Variants in VPS50 observed in about 807,000 individuals in gnomAD.
VPS50 encodes the protein VPS50 subunit of EARP/GARPII complex.
Under a neutral mutation model 139.7 loss-of-function variants are expected in VPS50, and 70 were observed. The ratio of observed to expected loss-of-function variants is 0.50; its 90% CI spans 0.41 to 0.61. VPS50 has a LOEUF of 0.61. VPS50 is among the 20% of genes least tolerant of loss of function. VPS50 has a pLI of 0.00. For synonymous variants in VPS50, 365 were observed against 376.7 expected (o/e 0.97, Z 0.36); for missense variants, 921 against 1,133.7 (o/e 0.81, Z 2.69).
intron 20 of VPS50, among the ~76,000 whole-genome samples, chr7:93,316,323 CCTT>C (rs1479205700): frequency 6.6e-6 from 1 of 152,048 alleles, no homozygotes; most frequent in African/African-American, 2.4e-5. Context: ...GACATAAGCT[CCTT>C]AAGGGATTTC....
rs1015778906 is a variant in VPS50, at chr7:93,295,776, G to A, written c.1168-966G>A. Among the ~76,000 whole-genome samples, 7 of 152,170 alleles carry A rather than the reference G, an allele frequency of 4.6e-5. No individual in the cohort carries two copies. The East Asian group carries it at 9.7e-4, about 21-fold the overall frequency. On this transcript the variant is annotated intron_variant, in intron 14 of 27. Coordinates refer to ENST00000305866, the MANE Select transcript of VPS50 (RefSeq NM_017667.4). ...GTCTCACTCTGTCACCCAGGCTGGA[G>A]TGTGGTGGCAGAGTCATGGCCCAGT...
intron 23 of VPS50, 79 bp downstream of exon 23, chr7:93,341,654 T>C: frequency 2.2e-6 from 2 of 903,682 alleles, no homozygotes; most frequent in Middle Eastern, 2.4e-4. Flanking sequence ...ATTAGACTTC[T>C]AGTTAGCTGC....
Position 93,272,714 on chromosome 7 carries a change from G to A in VPS50, c.782G>A (p.Arg261Gln), listed in dbSNP as rs370126178. The A allele has an allele frequency of 1.0e-5, 16 of 1,537,354 alleles. No individual in the cohort carries two copies. Among genetic ancestry groups the A allele is most frequent in the South Asian group, 2.4e-5 (2 of 84,364 alleles). Residue 261 changes from arginine to glutamine, a missense_variant, in exon 11 of 28, where the codon CGA (arginine) becomes CAA (glutamine). Coordinates refer to ENST00000305866, the MANE Select transcript of VPS50 (RefSeq NM_017667.4). Reference sequence around the variant, plus strand: ...TATACCAAGGTTCAACAAGCTTATCGACTTCTTGGAAAAACACAGGTTTGT... The same window carrying A: ...TATACCAAGGTTCAACAAGCTTATCAACTTCTTGGAAAAACACAGGTTTGT... The part of the protein sequence containing the change: ...NHYTKVQQAY[R>Q]LLGKTQTAMD...
At position 93,349,973 on chromosome 7, in the gene VPS50, G is replaced by C. The variant is rs1479500875; in HGVS notation, c.2403G>C (p.Val801=). The C allele has an allele frequency of 6.2e-7, 1 of 1,612,912 alleles. No individual in the cohort carries two copies. The highest frequency in any genetic ancestry group is 8.5e-7 in the Non-Finnish European group (1 of 1,179,032). ...AGATGCTGCTTCTCATGGCTAATGTGAAATGGGATGTAAAAGAAATTATGT... is the reference window on the plus strand; with the variant it reads ...AGATGCTGCTTCTCATGGCTAATGTCAAATGGGATGTAAAAGAAATTATGT... ...YEQMLLLMAN[V]KWDVKEIMSQ... The change falls in exon 25 of 28, where the codon GTG becomes GTC. Residue 801 remains valine, a synonymous_variant. Coordinates refer to ENST00000305866, the MANE Select transcript of VPS50 (RefSeq NM_017667.4).
At chr7:93,234,738 G>T (rs1794746434) in intron 1 of VPS50, among the ~76,000 whole-genome samples, 1 of 152,120 alleles carries the variant, frequency 6.6e-6, no homozygotes. Context: ...AGGAAATTAA[G>T]GTCTGTGAAA....
Position 93,334,133 on chromosome 7 carries a change from T to A in VPS50, c.1994T>A (p.Leu665His). ...CTTTTTCAGTTGGAATCAACTGGAC[T>A]CGGCCTTAGTAGTAGTAGACTAAGA... ...GRNDSLESTGLGLSSSRLRTT... is the reference protein window; with the variant it reads ...GRNDSLESTGHGLSSSRLRTT... Residue 665 changes from leucine to histidine, a missense_variant, in exon 22 of 28, where the codon CTC becomes CAC. Leu to His is a moderately conservative substitution (Grantham distance 99, BLOSUM62 -3). Coordinates refer to ENST00000305866, the MANE Select transcript of VPS50 (RefSeq NM_017667.4). 1 of 1,595,478 alleles carries A rather than the reference T, an allele frequency of 6.3e-7. No homozygotes were observed. The highest frequency in any genetic ancestry group is 8.6e-7 in the Non-Finnish European group (1 of 1,166,208).
At position 93,291,839 on chromosome 7, in the gene VPS50, G is replaced by C. The variant is rs201751842; in HGVS notation, c.1075+4G>C. On this transcript the variant is annotated splice_donor_region_variant and intron_variant, in intron 13 of 27. Coordinates refer to ENST00000305866, the MANE Select transcript of VPS50 (RefSeq NM_017667.4). ...GAGGATACTGCTTCAGCTTCTGGTA[G>C]GAAAATATTTTTATTTTATTTTAAA... 24 of 1,562,302 alleles carry C rather than the reference G, an allele frequency of 1.5e-5. No homozygotes were observed. The highest frequency in any genetic ancestry group is 2.0e-5 in the Non-Finnish European group (23 of 1,155,422).
chr7:93,255,411 A>C (rs565811443), intron 4 of VPS50, among the ~76,000 whole-genome samples: 2 of 152,142 alleles, frequency 1.3e-5, no homozygotes, highest in African/African-American at 2.4e-5. Flanking sequence ...GGTGGAGCTC[A>C]GGTTGTAATG....
chr7:93,322,811 AGTTATTT>A (rs1347339436), intron 20 of VPS50, among the ~76,000 whole-genome samples: 1 of 152,018 alleles, frequency 6.6e-6, no homozygotes, highest in African/African-American at 2.4e-5. Context: ...GGGGACTTGC[AGTTATTT>A]GTTATTTGAT....
chr7:93,278,932 T>C (rs1796243971), intron 12 of VPS50, among the ~76,000 whole-genome samples: 1 of 152,154 alleles, frequency 6.6e-6, no homozygotes. Flanking sequence ...AGTTGTACTT[T>C]TTTGGTATTT....
chr7:93,332,631 G>A (rs1797970694), intron 21 of VPS50, among the ~76,000 whole-genome samples: 2 of 152,166 alleles, frequency 1.3e-5, no homozygotes, highest in African/African-American at 4.8e-5. Context: ...CCCAAGATAA[G>A]TGAAAATAAT....
intron 20 of VPS50, among the ~76,000 whole-genome samples, chr7:93,312,326 T>C (rs1243209895): frequency 2.0e-5 from 3 of 152,208 alleles, no homozygotes; most frequent in Non-Finnish European, 4.4e-5. Flanking sequence ...CGAGAATTTG[T>C]AGAATCAGAA....
At chr7:93,302,586 T>C (rs1404324264) in intron 16 of VPS50, among the ~76,000 whole-genome samples, 1 of 152,070 alleles carries the variant, frequency 6.6e-6, no homozygotes, top group Non-Finnish European at 1.5e-5. Flanking sequence ...CTATTTTATT[T>C]AACTTATAAT....
intron 26 of VPS50, 28 bp downstream of exon 26, chr7:93,353,789 T>G: frequency 6.4e-7 from 1 of 1,557,720 alleles, no homozygotes; most frequent in Non-Finnish European, 8.8e-7. Flanking sequence ...GCATTATTTG[T>G]TTCTTTAATG....
At position 93,296,913 on chromosome 7, in the gene VPS50, T is replaced by G; in HGVS notation, c.1262+77T>G. ...TAAATCATGAGCTAGTGAGTTATCA[T>G]CTATAACTTCTTTATGGAAATGAAG... On this transcript the variant is annotated intron_variant, in intron 15 of 27. Transcript: ENST00000305866. The G allele has an allele frequency of 3.4e-6, 5 of 1,477,808 alleles. No homozygotes were observed. In the African/African-American group the frequency reaches 7.2e-5, roughly 21 times the overall value. 91.5% of individuals were successfully genotyped at this position (1,477,808 alleles called of 1,614,324 possible).
chr7:93,351,907 C>CA (rs1288158080), intron 25 of VPS50, among the ~76,000 whole-genome samples: 2 of 152,206 alleles, frequency 1.3e-5, no homozygotes, highest in African/African-American at 2.4e-5. Flanking sequence ...TCGTGTTACT[C>CA]AGAGTATTAA....
Position 93,358,233 on chromosome 7 carries a change from C to A in VPS50, c.2776-84C>A, listed in dbSNP as rs1798761291. 3.1e-6 allele frequency: 4 copies of A among 1,276,666 alleles called. No homozygotes were observed. In the Admixed American group the frequency reaches 7.1e-5, roughly 23 times the overall value. 79.1% of individuals were successfully genotyped at this position (1,276,666 alleles called of 1,614,324 possible). On this transcript the variant is annotated intron_variant, in intron 27 of 27. Transcript: ENST00000305866. ...AATGCTCAGTAACTATCCACTGCAC[C>A]TGAATATCCGCCTGTTCTTTTGTTG...
At chr7:93,246,873 A>G (rs1795172049) in intron 2 of VPS50, among the ~76,000 whole-genome samples, 1 of 151,928 alleles carries the variant, frequency 6.6e-6, no homozygotes, top group Non-Finnish European at 1.5e-5. Context: ...CTGGGAATGT[A>G]TCATAATACC....
chr7:93,313,952 C>T (rs1797346794), intron 20 of VPS50, among the ~76,000 whole-genome samples: 2 of 152,194 alleles, frequency 1.3e-5, no homozygotes. Flanking sequence ...GCCATTATCA[C>T]CCCAGTTGGG....
Sources: allele counts gnomAD v4.1 joint callset (sites outside exome capture counted in the v4.1 genomes callset), GRCh38; gene constraint gnomAD v4.1.1; transcripts MANE v1.5; gene names NCBI Gene and HGNC (gene_info 2026-07-23, HGNC 2026-07-21).